The following STPG2 variants were observed in gnomAD, a reference collection of about 807,000 sequenced individuals.
STPG2 encodes the protein sperm tail PG-rich repeat containing 2.
STPG2 carries 56 observed loss-of-function variants against 54.2 expected under a neutral mutation model. The observed-to-expected ratio is 1.03, with a 90% CI of 0.83 to 1.29. The LOEUF (loss-of-function observed/expected upper bound fraction) is 1.29, where lower values mean the gene tolerates loss of function less well. Ranked by LOEUF, STPG2 falls within the 50% of genes most tolerant of loss-of-function variation. The probability of loss-of-function intolerance (pLI) is 0.00; values close to 1 mark genes in which losing one functional copy is unlikely to be tolerated. For synonymous variants in STPG2, 200 were observed against 181.8 expected (o/e 1.10, Z -0.81); for missense variants, 596 against 544.9 (o/e 1.09, Z -0.93).
At position 98,105,925 on chromosome 4, in the gene STPG2, T is replaced by C. The variant is rs1739174891; in HGVS notation, c.612+28A>G. The stretch of plus-strand genomic sequence containing the variant: ...TTCAATGATCTTAAAATTGGGAAAA[T>C]ATATGCATTAGCCACTTTTCAACTT... On this transcript the variant is annotated intron_variant, in intron 5 of 10. Coordinates refer to ENST00000295268, the MANE Select transcript of STPG2 (RefSeq NM_174952.3). The C allele has an allele frequency of 2.0e-6, 3 of 1,520,910 alleles. No individual in the cohort carries two copies. The East Asian group carries it at 7.0e-5, about 36-fold the overall frequency. The allele number at this position is 1,520,910 out of a possible 1,614,324, so 94.2% of individuals were successfully genotyped here.
At chr4:97,472,832 A>C (rs1471188587) in intron 4 of STPG2, among the ~76,000 whole-genome samples, 1 of 152,192 alleles carries the variant, frequency 6.6e-6, no homozygotes, top group Non-Finnish European at 1.5e-5. Flanking sequence ...TTGTTGCGGG[A>C]AGTCAGGGAC....
intron 9 of STPG2, among the ~76,000 whole-genome samples, chr4:97,729,066 T>TCTCTCTCTCTCTCTCTCTCTCTCC (rs1724713894): frequency 8.9e-5 from 5 of 56,250 alleles, no homozygotes; most frequent in Non-Finnish European, 2.0e-4. Flanking sequence ...CAAGAATTTC[T>TCTCTCTCTCTCTCTCTCTCTCTCC]CTCTCTCTCT....
At chr4:97,726,845 A>C (rs1281710791) in intron 9 of STPG2, among the ~76,000 whole-genome samples, 1 of 150,618 alleles carries the variant, frequency 6.6e-6, no homozygotes, top group African/African-American at 2.4e-5. Flanking sequence ...ACAAACATAC[A>C]CACACACACA....
intron 10 of STPG2, among the ~76,000 whole-genome samples, chr4:97,607,356 G>A (rs900598046): frequency 1.3e-5 from 2 of 151,914 alleles, no homozygotes; most frequent in Non-Finnish European, 1.5e-5. Flanking sequence ...GGATCTTCCT[G>A]GGACCATCTT....
At position 97,767,119 on chromosome 4, in the gene STPG2, T is replaced by C. The variant is rs145345023; in HGVS notation, c.1205-54305A>G. ...AAATTTAGAAGTCACAGTTATTTTA[T>C]GACTTAAAAGGCAAATGAAACTCAG... On this transcript the variant is annotated intron_variant, in intron 9 of 10. Coordinates refer to ENST00000295268, the MANE Select transcript of STPG2 (RefSeq NM_174952.3). 2.3e-3 allele frequency among the ~76,000 whole-genome samples: 354 copies of C among 152,264 alleles called. 7 individuals carry two copies. The East Asian group carries it at 0.061, about 26-fold the overall frequency.
chr4:97,820,046 A>G (rs1179591156), intron 9 of STPG2, among the ~76,000 whole-genome samples: 1 of 152,008 alleles, frequency 6.6e-6, no homozygotes, highest in Non-Finnish European at 1.5e-5. Flanking sequence ...CCATTTTTCT[A>G]ACAGTATGTG....
intron 4 of STPG2, among the ~76,000 whole-genome samples, chr4:97,513,739 G>T (rs1731019670): frequency 6.6e-6 from 1 of 152,012 alleles, no homozygotes; most frequent in Non-Finnish European, 1.5e-5. Context: ...TCAAAGAAAA[G>T]GAAACTGAGT....
chr4:97,583,074 TTTGTCAAC>T (rs1487024184), intron 10 of STPG2, among the ~76,000 whole-genome samples: 5 of 152,050 alleles, frequency 3.3e-5, no homozygotes, highest in Admixed American at 3.3e-4. Flanking sequence ...AGTCTCATCA[TTTGTCAAC>T]TTGTAAGCAA....
chr4:97,605,331 G>A (rs1182381932), intron 10 of STPG2, among the ~76,000 whole-genome samples: 2 of 151,754 alleles, frequency 1.3e-5, no homozygotes, highest in Non-Finnish European at 3.0e-5. Context: ...ATACTTAGTA[G>A]TGCTGAAAGC....
At chr4:97,501,275 G>C (rs913857344) in intron 4 of STPG2, among the ~76,000 whole-genome samples, 12 of 152,040 alleles carry the variant, frequency 7.9e-5, no homozygotes, top group African/African-American at 2.9e-4. Context: ...CATAAAGTCA[G>C]TGCAGATACA....
intron 5 of STPG2, among the ~76,000 whole-genome samples, chr4:98,019,146 T>C (rs987044305): frequency 5.3e-5 from 8 of 152,180 alleles, no homozygotes; most frequent in Non-Finnish European, 1.2e-4. Flanking sequence ...CTTTTTATGG[T>C]TTTAGGTCTA....
chr4:98,027,356 G>A (rs1736457065), intron 5 of STPG2, among the ~76,000 whole-genome samples: 1 of 152,098 alleles, frequency 6.6e-6, no homozygotes, highest in Non-Finnish European at 1.5e-5. Flanking sequence ...CACATTCAAT[G>A]CATTCATCCC....
At chr4:97,863,325 G>A (rs137973673) in intron 8 of STPG2, among the ~76,000 whole-genome samples, 1,967 of 152,210 alleles carry the variant, frequency 0.013, 36 homozygotes, top group African/African-American at 0.044. Flanking sequence ...ACACCTCTAC[G>A]CAAATAAGCT....
At chr4:97,853,739 G>A (rs957050503) in intron 8 of STPG2, among the ~76,000 whole-genome samples, 3 of 152,140 alleles carry the variant, frequency 2.0e-5, no homozygotes, top group Non-Finnish European at 2.9e-5. Flanking sequence ...TTGGTAGGCT[G>A]TTTCCCCTGT....
chr4:97,851,243 G>T (rs1729149850), intron 8 of STPG2, among the ~76,000 whole-genome samples: 1 of 152,138 alleles, frequency 6.6e-6, no homozygotes, highest in Non-Finnish European at 1.5e-5. Context: ...GCACACCATT[G>T]TATCTCCCAG....
intron 10 of STPG2, among the ~76,000 whole-genome samples, chr4:97,649,955 T>G (rs547051643): frequency 6.6e-6 from 1 of 152,266 alleles, no homozygotes; most frequent in South Asian, 2.1e-4. Context: ...GTGGGAGCCC[T>G]GAGCTTGTTT....
intron 4 of STPG2, among the ~76,000 whole-genome samples, chr4:97,547,688 T>C (rs1220651615): frequency 2.0e-5 from 3 of 152,136 alleles, no homozygotes; most frequent in Non-Finnish European, 1.5e-5. Context: ...TGAGGATAGA[T>C]AGAAGCAGAC....
At chr4:97,973,296 CT>C (rs1273197268) in intron 6 of STPG2, among the ~76,000 whole-genome samples, 5 of 150,430 alleles carry the variant, frequency 3.3e-5, no homozygotes, top group Non-Finnish European at 7.4e-5. Flanking sequence ...CATTTTGCCC[CT>C]GTCTTAGAGA....
intron 8 of STPG2, among the ~76,000 whole-genome samples, chr4:97,875,129 G>A (rs1157366269): frequency 6.6e-6 from 1 of 151,778 alleles, no homozygotes; most frequent in Non-Finnish European, 1.5e-5. Context: ...AATAATAATG[G>A]CTTTGGTTAA....
Sources: allele counts gnomAD v4.1 joint callset (sites outside exome capture counted in the v4.1 genomes callset), GRCh38; gene constraint gnomAD v4.1.1; transcripts MANE v1.5; gene names NCBI Gene and HGNC (gene_info 2026-07-23, HGNC 2026-07-21).